The following SUCLG2 variants were observed in gnomAD, a reference collection of about 807,000 sequenced individuals.
SUCLG2 encodes the protein succinate--CoA ligase [GDP-forming] subunit beta, mitochondrial.
SUCLG2 carries 42 observed loss-of-function variants against 47.9 expected under a neutral mutation model. The ratio of observed to expected loss-of-function variants is 0.88; its 90% CI spans 0.69 to 1.14. The LOEUF (loss-of-function observed/expected upper bound fraction) is 1.14. Ranked by LOEUF, SUCLG2 falls within the 50% of genes most tolerant of loss-of-function variation. The pLI is 0.00. For missense variants in SUCLG2, 571 were observed against 525.9 expected, an observed-to-expected ratio of 1.09 and a Z score of -0.84; for synonymous variants, 195 against 197.3, an observed-to-expected ratio of 0.99 and a Z score of 0.10.
intron 10 of SUCLG2, among the ~76,000 whole-genome samples, chr3:67,392,034 T>G (rs1702398157): frequency 1.3e-5 from 2 of 152,304 alleles, no homozygotes; most frequent in South Asian, 4.1e-4. Flanking sequence ...TGCATGCCCC[T>G]GTCCTTCTGT....
At chr3:67,649,156 G>A (rs1701242579) in intron 1 of SUCLG2, among the ~76,000 whole-genome samples, 2 of 152,196 alleles carry the variant, frequency 1.3e-5, no homozygotes, top group African/African-American at 4.8e-5. Context: ...GGCAATGAAT[G>A]ATCAGAGGGA....
At chr3:67,602,061 A>C (rs749783258) in intron 2 of SUCLG2, among the ~76,000 whole-genome samples, 4 of 152,198 alleles carry the variant, frequency 2.6e-5, no homozygotes, top group Non-Finnish European at 5.9e-5. Context: ...AAAGACAGAA[A>C]GTAAAATTAT....
chr3:67,644,070 T>C (rs910364557), intron 1 of SUCLG2, among the ~76,000 whole-genome samples: 1 of 152,180 alleles, frequency 6.6e-6, no homozygotes, highest in African/African-American at 2.4e-5. Context: ...AGATATTTCT[T>C]AATAGACATT....
At chr3:67,455,179 T>C (rs1249325372) in intron 9 of SUCLG2, among the ~76,000 whole-genome samples, 1 of 152,182 alleles carries the variant, frequency 6.6e-6, no homozygotes, top group Non-Finnish European at 1.5e-5. Flanking sequence ...TATTTCTATA[T>C]ATATTTTAGT....
intron 6 of SUCLG2, among the ~76,000 whole-genome samples, chr3:67,513,557 G>A (rs1259923269): frequency 6.6e-6 from 1 of 152,200 alleles, no homozygotes; most frequent in East Asian, 1.9e-4. Context: ...TAAGGGCTAA[G>A]CAGACAGAAT....
chr3:67,609,608 G>T lies in SUCLG2; in HGVS notation c.85-12C>A. The T allele has an allele frequency of 6.2e-7, 1 of 1,611,934 alleles. No individual in the cohort carries two copies. The highest frequency in any genetic ancestry group is 2.2e-5 in the East Asian group (1 of 44,832). On this transcript the variant is annotated splice_polypyrimidine_tract_variant and intron_variant, in intron 1 of 10. Transcript: ENST00000307227. ...GTTAATTGAACTGCCTACAGAAATTGAAGGAGAGAGGTAAGAACATTCATT... is the reference window on the plus strand; with the variant it reads ...GTTAATTGAACTGCCTACAGAAATTTAAGGAGAGAGGTAAGAACATTCATT...
intron 6 of SUCLG2, chr3:67,513,987 G>T: frequency 3.9e-6 from 1 of 255,218 alleles, no homozygotes. Flanking sequence ...CTCCACCCTC[G>T]ACCCTCTACC....
chr3:67,553,046 A>T (rs560721477), intron 2 of SUCLG2, among the ~76,000 whole-genome samples: 73 of 152,350 alleles, frequency 4.8e-4, no homozygotes, highest in African/African-American at 1.7e-3. Context: ...AATTCAACAG[A>T]CAGTAAGACA....
chr3:67,584,875 A>G (rs1707974372), intron 2 of SUCLG2, among the ~76,000 whole-genome samples: 1 of 152,102 alleles, frequency 6.6e-6, no homozygotes, highest in South Asian at 2.1e-4. Context: ...TATCACAAGA[A>G]CAGCATGAGG....
intron 2 of SUCLG2, among the ~76,000 whole-genome samples, chr3:67,552,290 T>A (rs1707037869): frequency 6.6e-6 from 1 of 151,940 alleles, no homozygotes; most frequent in South Asian, 2.1e-4. Flanking sequence ...ATCACGTATC[T>A]CACATGTATT....
At chr3:67,580,319 C>A (rs968184116) in intron 2 of SUCLG2, among the ~76,000 whole-genome samples, 7 of 152,098 alleles carry the variant, frequency 4.6e-5, no homozygotes, top group Non-Finnish European at 7.4e-5. Context: ...TGCACTTACA[C>A]ATTCATATGT....
intron 2 of SUCLG2, among the ~76,000 whole-genome samples, chr3:67,585,636 C>T (rs979117478): frequency 1.2e-4 from 19 of 152,158 alleles, no homozygotes; most frequent in African/African-American, 4.6e-4. Context: ...GATGCTTCTC[C>T]CAGCTACCAC....
At chr3:67,605,659 T>C (rs973697859) in intron 2 of SUCLG2, among the ~76,000 whole-genome samples, 1 of 152,026 alleles carries the variant, frequency 6.6e-6, no homozygotes, top group East Asian at 1.9e-4. Flanking sequence ...TGGTGAAACC[T>C]GCATGCACAC....
intron 1 of SUCLG2, among the ~76,000 whole-genome samples, chr3:67,620,761 A>G (rs1700722724): frequency 6.6e-6 from 1 of 152,156 alleles, no homozygotes; most frequent in Non-Finnish European, 1.5e-5. Flanking sequence ...CAGCAGGCTG[A>G]GAGGCCAGCA....
intron 2 of SUCLG2, among the ~76,000 whole-genome samples, chr3:67,605,020 C>G (rs1700378848): frequency 6.6e-6 from 1 of 152,136 alleles, no homozygotes; most frequent in Non-Finnish European, 1.5e-5. Flanking sequence ...GTTAGAATCA[C>G]AACAGTAGTG....
chr3:67,566,861 T>C lies in SUCLG2; in HGVS notation c.227-37675A>G, dbSNP rs186281706. Among the ~76,000 whole-genome samples the C allele has an allele frequency of 4.6e-5, 7 of 152,304 alleles. No individual in the cohort carries two copies. The East Asian group carries it at 1.2e-3, about 25-fold the overall frequency. On this transcript the variant is annotated intron_variant, in intron 2 of 10. Coordinates refer to ENST00000307227, the MANE Select transcript of SUCLG2 (RefSeq NM_003848.4). The stretch of plus-strand genomic sequence containing the variant: ...TCCTTCCATCCTATGTTTTTATGCC[T>C]CATAATTGCAGTATGTCTAACCTCC...
intron 1 of SUCLG2, among the ~76,000 whole-genome samples, chr3:67,612,856 C>T (rs1243233972): frequency 2.0e-5 from 3 of 152,170 alleles, no homozygotes; most frequent in Non-Finnish European, 4.4e-5. Context: ...TTGGGAGTTC[C>T]CAAGACCTCC....
intron 2 of SUCLG2, among the ~76,000 whole-genome samples, chr3:67,578,291 A>T (rs1707795682): frequency 6.8e-6 from 1 of 147,510 alleles, no homozygotes; most frequent in African/African-American, 2.5e-5. Flanking sequence ...TATATATATA[A>T]AATCATATAT....
intron 9 of SUCLG2, chr3:67,409,128 G>T: frequency 7.5e-7 from 1 of 1,329,082 alleles, no homozygotes; most frequent in Admixed American, 2.3e-5. Flanking sequence ...CCTGTTTACT[G>T]ATAAAAGAGT....
Sources: allele counts gnomAD v4.1 joint callset (sites outside exome capture counted in the v4.1 genomes callset), GRCh38; gene constraint gnomAD v4.1.1; transcripts MANE v1.5; gene names NCBI Gene and HGNC (gene_info 2026-07-23, HGNC 2026-07-21).